The following DHODH variants were observed in gnomAD, a reference collection of about 807,000 sequenced individuals.
DHODH encodes dihydroorotate dehydrogenase (quinone).
A neutral mutation model predicts 39.7 loss-of-function variants in DHODH; 30 were observed. The ratio of observed to expected loss-of-function variants is 0.76; its 90% CI spans 0.57 to 1.02. The LOEUF (loss-of-function observed/expected upper bound fraction) is 1.02, where lower values mean the gene tolerates loss of function less well. Among genes scored for constraint, DHODH ranks in the 50% least tolerant of loss-of-function variants. The probability of loss-of-function intolerance (pLI) is 0.00; values close to 1 mark genes in which losing one functional copy is unlikely to be tolerated. For missense variants in DHODH, 531 were observed against 520.8 expected, an observed-to-expected ratio of 1.02 and a Z score of -0.19; for synonymous variants, 222 against 213.8, an observed-to-expected ratio of 1.04 and a Z score of -0.34.
intron 4 of DHODH, among the ~76,000 whole-genome samples, chr16:72,017,850 CA>C (rs2041159924): frequency 7.0e-6 from 1 of 143,424 alleles, no homozygotes; most frequent in South Asian, 2.2e-4. Context: ...CGGCTCACTG[CA>C]AGCTCTGCTT....
At chr16:72,016,837 A>T in intron 3 of DHODH, 187 bp from the exon 4 acceptor site, 1 of 618,558 alleles carries the variant, frequency 1.6e-6, no homozygotes, top group Non-Finnish European at 3.0e-6. Context: ...TGCAAATTTT[A>T]ATCTTTCCCT....
chr16:72,022,348 G>T lies in DHODH; in HGVS notation c.706-14G>T. 6.5e-7 allele frequency: 1 copy of T among 1,548,260 alleles called. No homozygotes were observed. Among genetic ancestry groups the T allele is most frequent in the Non-Finnish European group, 8.7e-7 (1 of 1,145,216 alleles). On this transcript the variant is annotated splice_polypyrimidine_tract_variant and intron_variant, in intron 5 of 8. Coordinates refer to ENST00000219240, the MANE Select transcript of DHODH (RefSeq NM_001361.5). ...GTCTGCGGGGTCCCCAGCTCTGGCC[G>T]TGTGTCGCCCTAGGTGCTGCAGGAG...
chr16:72,009,994 C>T (rs907657082), intron 1 of DHODH, among the ~76,000 whole-genome samples: 8 of 152,210 alleles, frequency 5.3e-5, no homozygotes, highest in Non-Finnish European at 1.0e-4. Context: ...GGGATCTTCC[C>T]GCCTCAGCCT....
chr16:72,023,087 T>G, intron 6 of DHODH, 78 bp from the exon 7 acceptor site: 6 of 1,530,418 alleles, frequency 3.9e-6, no homozygotes, highest in Non-Finnish European at 5.4e-6. Flanking sequence ...GCCCGGCTGC[T>G]GCCTTCGACC....
Position 72,021,202 on chromosome 16 carries a change from G to T in DHODH, c.596G>T (p.Arg199Leu), listed in dbSNP as rs777166937. ...GCGGAGGACTACGCAGAAGGGGTGC[G>T]CGTACTGGGCCCCCTGGCCGACTAC... ...DAAEDYAEGVRVLGPLADYLV... is the reference protein window; with the variant it reads ...DAAEDYAEGVLVLGPLADYLV... The change falls in exon 5 of 9, where the codon CGC (arginine) becomes CTC (leucine). Residue 199 changes from arginine to leucine, a missense_variant. By Grantham distance (102) the Arg-to-Leu change is moderately radical (BLOSUM62 -2). Transcript: ENST00000219240. 1.9e-6 allele frequency: 3 copies of T among 1,610,992 alleles called. No homozygotes were observed. The highest frequency in any genetic ancestry group is 3.4e-5 in the Admixed American group (2 of 59,606).
chr16:72,015,864 T>A (rs2041136446), intron 3 of DHODH: 1 of 985,350 alleles, frequency 1.0e-6, no homozygotes, highest in African/African-American at 1.7e-5. Flanking sequence ...ATGTGGTAAG[T>A]GTGTAGTAAA....
rs779717056 is a variant in DHODH, at chr16:72,012,213, C to T, written c.185C>T (p.Thr62Ile). Reference protein sequence around the residue: ...ESAHRLAVRFTSLGLLPRARF... With the variant: ...ESAHRLAVRFISLGLLPRARF... Reference sequence around the variant, plus strand: ...GCCCACAGACTGGCTGTTCGCTTCACCTCCCTGGGGCTCCTTCCACGGGCC... The same window carrying T: ...GCCCACAGACTGGCTGTTCGCTTCATCTCCCTGGGGCTCCTTCCACGGGCC... Residue 62 changes from threonine (T) to isoleucine (I), a missense_variant, in exon 2 of 9, where the codon ACC becomes ATC. By Grantham distance (89) the Thr-to-Ile change is moderately conservative. Coordinates refer to ENST00000219240, the MANE Select transcript of DHODH (RefSeq NM_001361.5). The T allele has an allele frequency of 2.5e-6, 4 of 1,614,026 alleles. No individual in the cohort carries two copies. In the South Asian group the frequency reaches 4.4e-5, roughly 18 times the overall value.
rs1263648513 is a variant in DHODH at position 72,026,989 on chromosome 16, G to C, written c.*2790G>C. On this transcript the variant is annotated 3_prime_UTR_variant, in exon 9 of 9. Transcript: ENST00000219240. ...TGTGTGTGTGTGTGTGTGTGTGTGT[G>C]TGTGTGTGTGTGTGTGTGTGTTTTT... 6.9e-6 allele frequency: 1 copy of C among 143,890 alleles called. No homozygotes were observed. Among genetic ancestry groups the C allele is most frequent in the African/African-American group, 2.5e-5 (1 of 39,478 alleles). The allele number at this position is 143,890 out of a possible 1,614,324, so 8.9% of individuals were successfully genotyped here. A position where few individuals can be genotyped will look rare whatever the true frequency, so the allele number is the denominator to read the frequency against.
At position 72,027,263 on chromosome 16, in the gene DHODH, T is replaced by A. The variant is rs1199655186; in HGVS notation, c.*3064T>A. ...TGGCCGCCTCAGTCTCCCAAAGTGC[T>A]GAGATTACAGGCGTGAGCCAGCGTG... On this transcript the variant is annotated 3_prime_UTR_variant, in exon 9 of 9. Transcript: ENST00000219240. 1.3e-5 allele frequency: 2 copies of A among 152,380 alleles called. No individual in the cohort carries two copies. Among genetic ancestry groups the A allele is most frequent in the African/African-American group, 2.4e-5 (1 of 41,422 alleles). 9.4% of individuals were successfully genotyped at this position (152,380 alleles called of 1,614,324 possible).
chr16:72,021,316 G>A lies in DHODH; in HGVS notation c.705+5G>A. 1 of 1,598,990 alleles carries A rather than the reference G, an allele frequency of 6.3e-7. No individual in the cohort carries two copies. Among genetic ancestry groups the A allele is most frequent in the South Asian group, 1.1e-5 (1 of 89,140 alleles). On this transcript the variant is annotated splice_donor_5th_base_variant and intron_variant, in intron 5 of 8. Coordinates refer to ENST00000219240, the MANE Select transcript of DHODH (RefSeq NM_001361.5). The stretch of plus-strand genomic sequence containing the variant: ...CTGCGCCGCCTGCTGACCAAGGTGG[G>A]CAGCTGCACCCCTCTCCAGGCCCTG...
In DHODH at chr16:72,024,368, TC is replaced by T; in HGVS notation, c.*170del. 1.4e-6 allele frequency: 1 copy of T among 715,158 alleles called. No homozygotes were observed. The highest frequency in any genetic ancestry group is 2.5e-6 in the Non-Finnish European group (1 of 397,470). The allele number at this position is 715,158 out of a possible 1,614,324, so 44.3% of individuals were successfully genotyped here. On this transcript the variant is annotated 3_prime_UTR_variant, in exon 9 of 9. Transcript: ENST00000219240. ...GGTCACCAGGATCAACCGCAGGCTT[TC>T]TTCAGTCCCTTGGTCAGACCATAAA...
chr16:72,010,855 A>G (rs2041074379), intron 1 of DHODH, among the ~76,000 whole-genome samples: 1 of 152,098 alleles, frequency 6.6e-6, no homozygotes, highest in Non-Finnish European at 1.5e-5. Flanking sequence ...CTGCCTCCCA[A>G]GTAGCTGAGA....
At position 72,014,511 on chromosome 16, in the gene DHODH, A is replaced by C. The variant is rs1190386995; in HGVS notation, c.273A>C (p.Val91=). The C allele has an allele frequency of 6.2e-7, 1 of 1,614,052 alleles. No homozygotes were observed. The highest frequency in any genetic ancestry group is 2.2e-5 in the East Asian group (1 of 44,892). The change falls in exon 3 of 9, where the codon GTA becomes GTC. Residue 91 remains valine (V), a synonymous_variant. Coordinates refer to ENST00000219240, the MANE Select transcript of DHODH (RefSeq NM_001361.5). ...RVLGHKFRNP[V]GIAAGFDKHG... ...TGGGCCATAAATTCCGAAATCCAGT[A>C]GGAATTGCTGCAGGATTTGACAAGC... is the stretch of plus-strand genomic sequence containing the variant.
chr16:72,020,720 G>A (rs918554937), intron 4 of DHODH, among the ~76,000 whole-genome samples: 5 of 152,020 alleles, frequency 3.3e-5, no homozygotes, highest in Admixed American at 6.6e-5. Flanking sequence ...CCAGTCAACC[G>A]AGCCAAGGCC....
intron 6 of DHODH, among the ~76,000 whole-genome samples, chr16:72,022,799 G>C (rs1008478901): frequency 1.3e-5 from 2 of 152,158 alleles, no homozygotes; most frequent in Non-Finnish European, 2.9e-5. Flanking sequence ...TCTGGACAGC[G>C]GGTCTCTGTG....
At position 72,008,779 on chromosome 16, in the gene DHODH, C is replaced by T. The variant is rs944548885; in HGVS notation, c.15C>T (p.His5=). ...ACGGAAGGAGCATGGCGTGGAGACA[C>T]CTGAAAGTGAGTCCCGCGAGTGAGC... MAWR[H]LKKRAQDAVI... Residue 5 remains histidine (H), a synonymous_variant, in exon 1 of 9, where the codon CAC becomes CAT. Coordinates refer to ENST00000219240, the MANE Select transcript of DHODH (RefSeq NM_001361.5). 8 of 1,551,928 alleles carry T rather than the reference C, an allele frequency of 5.2e-6. No individual in the cohort carries two copies. Among genetic ancestry groups the T allele is most frequent in the South Asian group, 2.4e-5 (2 of 84,068 alleles).
At position 72,024,405 on chromosome 16, in the gene DHODH, G is replaced by C; in HGVS notation, c.*206G>C. The C allele has an allele frequency of 1.6e-6, 1 of 615,530 alleles. No homozygotes were observed. Among genetic ancestry groups the C allele is most frequent in the East Asian group, 2.8e-5 (1 of 35,690 alleles). 38.1% of individuals were successfully genotyped at this position (615,530 alleles called of 1,614,324 possible). On this transcript the variant is annotated 3_prime_UTR_variant, in exon 9 of 9. Transcript: ENST00000219240. ...TGGTCAGACCATAAACTGCATTTTT[G>C]ATTCTTTGTGGATTCAAACCCTAGG... is the stretch of plus-strand genomic sequence containing the variant.
At chr16:72,022,909 T>C (rs1271362858) in intron 6 of DHODH, among the ~76,000 whole-genome samples, 2 of 152,152 alleles carry the variant, frequency 1.3e-5, no homozygotes, top group South Asian at 2.1e-4. Context: ...GACACTGTAA[T>C]TGGGTTGTTG....
intron 2 of DHODH, among the ~76,000 whole-genome samples, chr16:72,014,073 G>A (rs2041113135): frequency 6.6e-6 from 1 of 152,144 alleles, no homozygotes. Context: ...TGGTTTCAGG[G>A]AAGCACTATC....
Sources: allele counts gnomAD v4.1 joint callset (sites outside exome capture counted in the v4.1 genomes callset), GRCh38; gene constraint gnomAD v4.1.1; transcripts MANE v1.5; gene names NCBI Gene and HGNC (gene_info 2026-07-23, HGNC 2026-07-21).